ATE1: variants seen among roughly 807,000 people sequenced by gnomAD.
ATE1 encodes arginyl-tRNA--protein transferase 1.
ATE1 carries 36 observed loss-of-function variants against 70.5 expected under a neutral mutation model. The observed-to-expected ratio is 0.51, with a 90% CI of 0.39 to 0.67. The LOEUF is 0.67. ATE1 is among the 30% of genes least tolerant of loss of function. The probability of loss-of-function intolerance (pLI) is 0.00; values close to 1 mark genes in which losing one functional copy is unlikely to be tolerated. For missense variants in ATE1, 593 were observed against 629.5 expected, an observed-to-expected ratio of 0.94 and a Z score of 0.62; for synonymous variants, 232 against 219.3, an observed-to-expected ratio of 1.06 and a Z score of -0.51.
At chr10:121,807,970 A>G (rs1366908983) in intron 10 of ATE1, among the ~76,000 whole-genome samples, 1 of 152,184 alleles carries the variant, frequency 6.6e-6, no homozygotes, top group Non-Finnish European at 1.5e-5. Context: ...GGCCCCCTAC[A>G]GAAAAAGTTT....
At chr10:121,927,310 G>A (rs1952133118) in intron 1 of ATE1, 2 of 985,046 alleles carry the variant, frequency 2.0e-6, no homozygotes, top group African/African-American at 3.5e-5. Context: ...AGCGACCGCG[G>A]TCACCAGTTT....
At chr10:121,744,236 T>A (rs575139101) in intron 11 of ATE1, among the ~76,000 whole-genome samples, 40 of 152,210 alleles carry the variant, frequency 2.6e-4, no homozygotes, top group Admixed American at 2.0e-3. Context: ...TTTCTTAATT[T>A]AAAAAATTTT....
chr10:121,846,315 T>C (rs1022756892), intron 8 of ATE1, among the ~76,000 whole-genome samples: 3 of 152,150 alleles, frequency 2.0e-5, no homozygotes, highest in African/African-American at 7.2e-5. Context: ...TATATATGAT[T>C]GAATAAATTA....
chr10:121,764,067 T>C (rs1163615475), intron 11 of ATE1, among the ~76,000 whole-genome samples: 2 of 151,980 alleles, frequency 1.3e-5, no homozygotes, highest in African/African-American at 4.8e-5. Flanking sequence ...TAGTTAACAA[T>C]AATGGATCAA....
intron 8 of ATE1, among the ~76,000 whole-genome samples, chr10:121,851,185 T>A (rs764688830): frequency 4.4e-4 from 63 of 143,464 alleles, no homozygotes; most frequent in Admixed American, 7.0e-4. Context: ...CTTTGGAGGC[T>A]GCGGCGGGCA....
At chr10:121,828,549 G>A (rs1229673061) in intron 10 of ATE1, among the ~76,000 whole-genome samples, 1 of 152,180 alleles carries the variant, frequency 6.6e-6, no homozygotes, top group African/African-American at 2.4e-5. Context: ...CAGAGAAAGT[G>A]AATGCTGCCA....
chr10:121,880,424 T>C (rs1412084877), intron 7 of ATE1, among the ~76,000 whole-genome samples: 1 of 152,054 alleles, frequency 6.6e-6, no homozygotes, highest in Non-Finnish European at 1.5e-5. Flanking sequence ...GAGTGGAACA[T>C]GCCCCGAATT....
Position 121,841,072 on chromosome 10 carries a change from G to A in ATE1, c.1157+10C>T. On this transcript the variant is annotated intron_variant, in intron 9 of 11. Coordinates refer to ENST00000224652, the MANE Select transcript of ATE1 (RefSeq NM_001001976.3). Reference sequence around the variant, plus strand: ...TAACCCACTACAATAACGGCAAAAAGCAATCTTACCGTAGTGCAGAGTAGA... The same window carrying A: ...TAACCCACTACAATAACGGCAAAAAACAATCTTACCGTAGTGCAGAGTAGA... The A allele has an allele frequency of 6.6e-7, 1 of 1,517,140 alleles. No homozygotes were observed. Among genetic ancestry groups the A allele is most frequent in the Non-Finnish European group, 8.9e-7 (1 of 1,123,172 alleles). The allele number at this position is 1,517,140 out of a possible 1,614,324, so 94.0% of individuals were successfully genotyped here.
chr10:121,886,013 T>C (rs12244866), intron 7 of ATE1, among the ~76,000 whole-genome samples: 20,045 of 152,124 alleles, frequency 0.13, 1,520 homozygotes, highest in East Asian at 0.19. Flanking sequence ...ACAGGTTAAG[T>C]ATCCCTAATC....
chr10:121,892,202 G>A (rs1251845427), intron 7 of ATE1, among the ~76,000 whole-genome samples: 1 of 152,174 alleles, frequency 6.6e-6, no homozygotes, highest in African/African-American at 2.4e-5. Flanking sequence ...CCAAGGGTTT[G>A]CCAAGTGGAG....
At chr10:121,745,530 C>G (rs1033441051) in intron 11 of ATE1, among the ~76,000 whole-genome samples, 1 of 152,108 alleles carries the variant, frequency 6.6e-6, no homozygotes, top group African/African-American at 2.4e-5. Flanking sequence ...TTCTGGCTAA[C>G]ACGGTGAAAC....
At chr10:121,757,496 C>T (rs551659012) in intron 11 of ATE1, among the ~76,000 whole-genome samples, 1 of 152,260 alleles carries the variant, frequency 6.6e-6, no homozygotes, top group Non-Finnish European at 1.5e-5. Context: ...AAAGACATAC[C>T]TGAGACTGGG....
At chr10:121,914,547 A>C (rs780418923) in intron 3 of ATE1, among the ~76,000 whole-genome samples, 4 of 152,116 alleles carry the variant, frequency 2.6e-5, no homozygotes, top group Non-Finnish European at 5.9e-5. Context: ...TTACCCTTAA[A>C]AGTCTTAGGG....
At chr10:121,809,384 C>T (rs1329664375) in intron 10 of ATE1, among the ~76,000 whole-genome samples, 1 of 151,760 alleles carries the variant, frequency 6.6e-6, no homozygotes, top group Non-Finnish European at 1.5e-5. Context: ...GAGTGTTTTT[C>T]CTGAGACAGC....
chr10:121,898,630 T>C (rs1302868881), intron 7 of ATE1, among the ~76,000 whole-genome samples: 2 of 152,092 alleles, frequency 1.3e-5, no homozygotes, highest in Non-Finnish European at 2.9e-5. Context: ...TACTTTCAGG[T>C]TCCTAGAGAA....
chr10:121,914,817 T>C (rs1951580929), intron 3 of ATE1, among the ~76,000 whole-genome samples: 1 of 152,152 alleles, frequency 6.6e-6, no homozygotes, highest in South Asian at 2.1e-4. Flanking sequence ...TAAATAAAAG[T>C]GTACACAGTA....
At chr10:121,829,317 G>A (rs1477265611) in intron 10 of ATE1, among the ~76,000 whole-genome samples, 1 of 152,116 alleles carries the variant, frequency 6.6e-6, no homozygotes, top group Non-Finnish European at 1.5e-5. Flanking sequence ...CAGCTACTCA[G>A]GAAGCTGAGG....
chr10:121,853,070 A>T (rs775643500), intron 8 of ATE1, among the ~76,000 whole-genome samples: 1 of 152,234 alleles, frequency 6.6e-6, no homozygotes, highest in Non-Finnish European at 1.5e-5. Flanking sequence ...TTATAATCTA[A>T]AGAGTTTTAA....
At chr10:121,757,858 C>T (rs1269409023) in intron 11 of ATE1, among the ~76,000 whole-genome samples, 1 of 152,198 alleles carries the variant, frequency 6.6e-6, no homozygotes, top group Non-Finnish European at 1.5e-5. Context: ...TTCACCTTCC[C>T]ATCATATTCC....
Sources: allele counts gnomAD v4.1 joint callset (sites outside exome capture counted in the v4.1 genomes callset), GRCh38; gene constraint gnomAD v4.1.1; transcripts MANE v1.5; gene names NCBI Gene and HGNC (gene_info 2026-07-23, HGNC 2026-07-21).